SMYD2: variants seen among roughly 807,000 people sequenced by gnomAD.
The protein encoded by SMYD2 is SET and MYND domain containing 2, also known as N-lysine methyltransferase SMYD2.
In SMYD2, 53 loss-of-function variants were observed where a neutral mutation model predicts 59.1. The observed-to-expected ratio is 0.90, with a 90% CI of 0.72 to 1.13. The LOEUF is 1.13. Among genes scored for constraint, SMYD2 ranks in the 50% most tolerant of loss-of-function variants. The pLI is 0.00. For synonymous variants in SMYD2, 208 were observed against 198.8 expected, an observed-to-expected ratio of 1.05 and a Z score of -0.39; for missense variants, 494 against 544.7, an observed-to-expected ratio of 0.91 and a Z score of 0.93.
chr1:214,316,880 T>A (rs1286139686), intron 3 of SMYD2, among the ~76,000 whole-genome samples: 1 of 152,194 alleles, frequency 6.6e-6, no homozygotes, highest in Non-Finnish European at 1.5e-5. Context: ...GTATTTGGGC[T>A]GAATAAGTCA....
Position 214,318,762 on chromosome 1 carries a change from G to GAA in SMYD2, c.410-97_410-96insAA. 1 of 1,252,606 alleles carries GAA rather than the reference G, an allele frequency of 8.0e-7. No individual in the cohort carries two copies. Among genetic ancestry groups the GAA allele is most frequent in the Non-Finnish European group, 1.1e-6 (1 of 937,792 alleles). 77.6% of individuals were successfully genotyped at this position (1,252,606 alleles called of 1,614,324 possible). On this transcript the variant is annotated intron_variant, in intron 4 of 11. Transcript: ENST00000366957. The surrounding 1 kb of genome is among the most constrained non-coding windows in gnomAD (Gnocchi z 5.4). ...GTTAGTTTTGGGTTTTTTTTTTTTC[G>GAA]CCCGTTCCTTTCCTCTGTATCATTT...
intron 5 of SMYD2, among the ~76,000 whole-genome samples, chr1:214,321,408 T>C (rs9430132): frequency 0.33 from 42,829 of 128,278 alleles, 6,474 homozygotes; most frequent in Non-Finnish European, 0.4. Flanking sequence ...TACACACACA[T>C]ATAATTTTTT....
chr1:214,322,146 AGT>A (rs1284234597), intron 5 of SMYD2, among the ~76,000 whole-genome samples: 4 of 152,208 alleles, frequency 2.6e-5, no homozygotes. Context: ...AGTTTTGAAA[AGT>A]GTTGCAAATT....
At chr1:214,329,131 C>G (rs1003073206) in intron 7 of SMYD2, among the ~76,000 whole-genome samples, 15 of 152,214 alleles carry the variant, frequency 9.9e-5, no homozygotes, top group Admixed American at 8.5e-4. Flanking sequence ...TTATGTTCTC[C>G]CAGATCTGAA....
rs762230348 is a variant in SMYD2, at chr1:214,336,781, C to T, written c.1299C>T (p.His433=). ...AGATCAAACAGGAAATTGAAAGCCACTGAAACTATGCAGCATTTCAGTTTT... is the reference window on the plus strand; with the variant it reads ...AGATCAAACAGGAAATTGAAAGCCATTGAAACTATGCAGCATTTCAGTTTT... ...ISEIKQEIES[H] The change falls in exon 12 of 12, where the codon CAC becomes CAT. Residue 433 remains histidine, a synonymous_variant. Transcript: ENST00000366957. 2.5e-6 allele frequency: 4 copies of T among 1,612,842 alleles called. No individual in the cohort carries two copies. Among genetic ancestry groups the T allele is most frequent in the Non-Finnish European group, 3.4e-6 (4 of 1,179,580 alleles).
rs1484032788 is a variant in SMYD2, at chr1:214,324,685, T to C, written c.579T>C (p.His193=). The C allele has an allele frequency of 4.3e-6, 7 of 1,613,340 alleles. No homozygotes were observed. In the Admixed American group the frequency reaches 1.2e-4, roughly 27 times the overall value. Residue 193 remains histidine, a synonymous_variant, in exon 6 of 12, where the codon CAT becomes CAC. Coordinates refer to ENST00000366957, the MANE Select transcript of SMYD2 (RefSeq NM_020197.3). ...CAATTGAAGATGAAGAACTTTCTCA[T>C]TTGGGATCAGCGATATTTCCTGAGT... ...GFTIEDEELS[H]LGSAIFPDVA...
At position 214,336,914 on chromosome 1, in the gene SMYD2, T is replaced by TA. The variant is rs1459403832; in HGVS notation, c.*133dup. The stretch of plus-strand genomic sequence containing the variant: ...TTGGAATGAAAATACTTCTTGCACT[T>TA]AAACACTGCACATGCCGTACTTTGA... On this transcript the variant is annotated 3_prime_UTR_variant, in exon 12 of 12. Transcript: ENST00000366957. The TA allele has an allele frequency of 8.1e-6, 6 of 740,174 alleles. No individual in the cohort carries two copies. Among genetic ancestry groups the TA allele is most frequent in the Admixed American group, 3.0e-5 (1 of 33,064 alleles). 45.9% of individuals were successfully genotyped at this position (740,174 alleles called of 1,614,324 possible).
intron 5 of SMYD2, among the ~76,000 whole-genome samples, chr1:214,321,359 A>C (rs939084901): frequency 2.8e-4 from 43 of 152,248 alleles, no homozygotes; most frequent in African/African-American, 1.0e-3. Context: ...TGTGAATACA[A>C]ATAAGTATAC....
chr1:214,327,926 C>T (rs867102635), intron 7 of SMYD2, among the ~76,000 whole-genome samples: 1 of 152,304 alleles, frequency 6.6e-6, no homozygotes, highest in South Asian at 2.1e-4. Context: ...TTTGGGGCTT[C>T]TGTTTGGTAC....
chr1:214,305,333 C>A, intron 2 of SMYD2, 83 bp downstream of exon 2: 1 of 1,308,646 alleles, frequency 7.6e-7, no homozygotes, highest in South Asian at 1.2e-5. Flanking sequence ...TCAGCGCCCT[C>A]CTGGAGCCAG....
chr1:214,312,174 C>T lies in SMYD2; in HGVS notation c.238-2588C>T, dbSNP rs1472627303. Among the ~76,000 whole-genome samples, 1 of 152,190 alleles carries T rather than the reference C, an allele frequency of 6.6e-6. No individual in the cohort carries two copies. Among genetic ancestry groups the T allele is most frequent in the Non-Finnish European group, 1.5e-5 (1 of 68,032 alleles). On this transcript the variant is annotated intron_variant, in intron 2 of 11. Transcript: ENST00000366957. This position sits in a 1 kb window ranked among gnomAD's most constrained non-coding sequence, Gnocchi z 4.1. ...TTATATTTGGCGCGGCATTATTTAA[C>T]TCTGCAGAACATCTTGGCCCAGAAC...
intron 2 of SMYD2, among the ~76,000 whole-genome samples, chr1:214,306,526 C>T (rs956491425): frequency 1.3e-5 from 2 of 152,206 alleles, no homozygotes; most frequent in African/African-American, 4.8e-5. Context: ...GGCTGTCAGC[C>T]TGTGTGGCAG....
In SMYD2 at chr1:214,293,164, C is replaced by T. The variant is rs545657024; in HGVS notation, c.173+11737C>T. ...GCCTCCCAGGTCCAAGCGATTCTCC[C>T]GCTTCAGTCTCCTGAGTAGCTGGGA... is the stretch of plus-strand genomic sequence containing the variant. On this transcript the variant is annotated intron_variant, in intron 1 of 11. Coordinates refer to ENST00000366957, the MANE Select transcript of SMYD2 (RefSeq NM_020197.3). Among the ~76,000 whole-genome samples the T allele has an allele frequency of 8.6e-5, 13 of 151,932 alleles. No homozygotes were observed. In the South Asian group the frequency reaches 2.3e-3, roughly 27 times the overall value.
chr1:214,297,106 C>T (rs1656744292), intron 1 of SMYD2, among the ~76,000 whole-genome samples: 1 of 152,176 alleles, frequency 6.6e-6, no homozygotes, highest in Non-Finnish European at 1.5e-5. Context: ...AAATGTGTTA[C>T]CATAGGCCTG....
At chr1:214,281,764 C>G (rs1437750949) in intron 1 of SMYD2, among the ~76,000 whole-genome samples, 3 of 152,260 alleles carry the variant, frequency 2.0e-5, no homozygotes, top group African/African-American at 7.2e-5. Context: ...CCTGGGCACT[C>G]ACTGCCCTCC....
chr1:214,321,957 G>T (rs1174046692), intron 5 of SMYD2, among the ~76,000 whole-genome samples: 2 of 152,204 alleles, frequency 1.3e-5, no homozygotes, highest in African/African-American at 4.8e-5. Flanking sequence ...CTTAGCTCTT[G>T]AAGAAACACA....
intron 1 of SMYD2, among the ~76,000 whole-genome samples, chr1:214,285,822 C>T (rs1361384583): frequency 6.6e-6 from 1 of 152,220 alleles, no homozygotes; most frequent in African/African-American, 2.4e-5. Context: ...GTCTACTACT[C>T]ACCTAGGCTG....
chr1:214,333,221 G>A (rs1187881380), intron 10 of SMYD2: 1 of 152,262 alleles, frequency 6.6e-6, no homozygotes, highest in Admixed American at 6.5e-5. Flanking sequence ...GTGTGAGGAA[G>A]TGCACTGGCC....
At chr1:214,296,857 C>T (rs1160107458) in intron 1 of SMYD2, among the ~76,000 whole-genome samples, 2 of 152,146 alleles carry the variant, frequency 1.3e-5, no homozygotes, top group Non-Finnish European at 2.9e-5. Flanking sequence ...AGCAGCAGAA[C>T]GAAAGCTGAG....
Sources: gnomAD v4.1 joint callset for allele counts (sites outside exome capture counted in the v4.1 genomes callset) on GRCh38, gnomAD v4.1.1 for gene constraint, Gnocchi (gnomAD v3.1) non-coding constraint, MANE v1.5 for transcripts, NCBI Gene and HGNC (gene_info 2026-07-23, HGNC 2026-07-21) for gene names.